Variants in CDH12 observed in about 807,000 individuals in gnomAD.
CDH12 encodes cadherin 12, also known as cadherin-12.
In CDH12, 41 loss-of-function variants were observed where a neutral mutation model predicts 74.1. The ratio of observed to expected loss-of-function variants is 0.55; its 90% confidence interval spans 0.43 to 0.72. The LOEUF (loss-of-function observed/expected upper bound fraction) is 0.72, where lower values mean the gene tolerates loss of function less well. CDH12 is among the 30% of genes least tolerant of loss of function. CDH12 has a pLI of 0.00. For missense variants in CDH12, 945 were observed against 977.2 expected (o/e 0.97, Z 0.44); for synonymous variants, 399 against 355.0 (o/e 1.12, Z -1.39).
At chr5:22,692,189 A>G (rs532124669) in intron 1 of CDH12, among the ~76,000 whole-genome samples, 1 of 152,306 alleles carries the variant, frequency 6.6e-6, no homozygotes, top group African/African-American at 2.4e-5. Flanking sequence ...TCCCTCCATC[A>G]GCTCCCCTTC....
chr5:22,242,549 T>C (rs1311523879), intron 3 of CDH12, among the ~76,000 whole-genome samples: 1 of 152,216 alleles, frequency 6.6e-6, no homozygotes, highest in Non-Finnish European at 1.5e-5. Context: ...TGTACTGGAA[T>C]GTTAGGACCA....
At chr5:21,831,435 A>G (rs578174288) in intron 8 of CDH12, among the ~76,000 whole-genome samples, 1 of 152,292 alleles carries the variant, frequency 6.6e-6, no homozygotes, top group East Asian at 1.9e-4. Flanking sequence ...GTGTCTTTAC[A>G]TAGCACAGGT....
chr5:22,412,750 A>G (rs1743216090), intron 2 of CDH12, among the ~76,000 whole-genome samples: 1 of 151,888 alleles, frequency 6.6e-6, no homozygotes, highest in Non-Finnish European at 1.5e-5. Flanking sequence ...ACAAGCATCC[A>G]TGTTTCAATC....
At chr5:22,471,200 C>T (rs1347589766) in intron 2 of CDH12, among the ~76,000 whole-genome samples, 1 of 152,186 alleles carries the variant, frequency 6.6e-6, no homozygotes, top group Admixed American at 6.5e-5. Context: ...TGAACAATCT[C>T]CCTAAAGGTA....
At chr5:22,650,318 T>C (rs1159005349) in intron 1 of CDH12, among the ~76,000 whole-genome samples, 2 of 152,052 alleles carry the variant, frequency 1.3e-5, no homozygotes, top group African/African-American at 4.8e-5. Flanking sequence ...TTGCTCTTCT[T>C]AGTTTTATTT....
chr5:22,677,259 G>C (rs1257969304), intron 1 of CDH12, among the ~76,000 whole-genome samples: 1 of 152,108 alleles, frequency 6.6e-6, no homozygotes, highest in Non-Finnish European at 1.5e-5. Flanking sequence ...GCTAGTATAA[G>C]AGAATACCTT....
chr5:22,527,638 A>G (rs936120178), intron 1 of CDH12, among the ~76,000 whole-genome samples: 1 of 152,122 alleles, frequency 6.6e-6, no homozygotes, highest in Non-Finnish European at 1.5e-5. Flanking sequence ...CCCTTCACAA[A>G]TTTATTTGTC....
At chr5:22,535,440 G>T (rs559680126) in intron 1 of CDH12, among the ~76,000 whole-genome samples, 1 of 152,158 alleles carries the variant, frequency 6.6e-6, no homozygotes, top group Non-Finnish European at 1.5e-5. Flanking sequence ...ACAGGCGTGA[G>T]CCAACGCACC....
intron 5 of CDH12, among the ~76,000 whole-genome samples, chr5:22,003,228 C>T (rs1293190458): frequency 1.3e-5 from 2 of 152,152 alleles, no homozygotes; most frequent in Admixed American, 1.3e-4. Context: ...ATAATCGTCA[C>T]ATTTTCTCCA....
intron 1 of CDH12, among the ~76,000 whole-genome samples, chr5:22,592,659 T>C (rs2126801319): frequency 6.6e-6 from 1 of 152,060 alleles, no homozygotes. Flanking sequence ...TGCTTCATTT[T>C]TAAACAGCTC....
intron 4 of CDH12, among the ~76,000 whole-genome samples, chr5:22,080,385 T>G (rs1475749774): frequency 2.0e-5 from 3 of 152,152 alleles, no homozygotes; most frequent in Non-Finnish European, 4.4e-5. Flanking sequence ...AGTTATACTC[T>G]GAAAGTATTT....
At chr5:22,584,032 T>A (rs1740242856) in intron 1 of CDH12, among the ~76,000 whole-genome samples, 1 of 151,966 alleles carries the variant, frequency 6.6e-6, no homozygotes, top group African/African-American at 2.4e-5. Context: ...CTAGTTGCTT[T>A]TTTTTGCTTT....
At position 22,343,179 on chromosome 5, in the gene CDH12, C is replaced by T. The variant is rs371931538; in HGVS notation, c.-333+62078G>A. 3.6e-4 allele frequency among the ~76,000 whole-genome samples: 55 copies of T among 151,480 alleles called. No homozygotes were observed. In the East Asian group the frequency reaches 8.2e-3, roughly 23 times the overall value. ...CTCCCCTGGTATTTTCAAAGTAGAA[C>T]GTAGACTAACATGGGAAGTTTCCAT... On this transcript the variant is annotated intron_variant, in intron 3 of 14. Transcript: ENST00000382254.
At chr5:22,726,893 C>T (rs561082651) in intron 1 of CDH12, among the ~76,000 whole-genome samples, 3 of 151,864 alleles carry the variant, frequency 2.0e-5, no homozygotes, top group Non-Finnish European at 3.0e-5. Context: ...CAAAAGAATA[C>T]TTATATATTG....
intron 1 of CDH12, among the ~76,000 whole-genome samples, chr5:22,785,633 C>T (rs1343181192): frequency 1.3e-5 from 2 of 152,082 alleles, no homozygotes; most frequent in Admixed American, 6.6e-5. Context: ...ATCCTCTCAC[C>T]TCAGCCTCCA....
At chr5:21,881,903 A>G (rs1752374075) in intron 6 of CDH12, among the ~76,000 whole-genome samples, 1 of 152,138 alleles carries the variant, frequency 6.6e-6, no homozygotes, top group African/African-American at 2.4e-5. Flanking sequence ...ATTGTAATTC[A>G]CATGTTGATA....
At chr5:21,829,288 G>T (rs1339438467) in intron 8 of CDH12, among the ~76,000 whole-genome samples, 4 of 152,080 alleles carry the variant, frequency 2.6e-5, no homozygotes, top group Non-Finnish European at 5.9e-5. Flanking sequence ...GTGAGAGAGA[G>T]AGATTCCATT....
intron 1 of CDH12, among the ~76,000 whole-genome samples, chr5:22,701,878 G>A (rs1742731275): frequency 6.6e-6 from 1 of 152,106 alleles, no homozygotes; most frequent in Admixed American, 6.6e-5. Flanking sequence ...AGCTTGATGG[G>A]CAATGCTGTT....
At chr5:22,233,260 T>C (rs989814386) in intron 3 of CDH12, among the ~76,000 whole-genome samples, 7 of 151,424 alleles carry the variant, frequency 4.6e-5, no homozygotes, top group African/African-American at 7.3e-5. Context: ...CAATATTGAG[T>C]TTTTCCAAAA....
Sources: allele counts gnomAD v4.1 joint callset (sites outside exome capture counted in the v4.1 genomes callset), GRCh38; gene constraint gnomAD v4.1.1; transcripts MANE v1.5; gene names NCBI Gene and HGNC (gene_info 2026-07-23, HGNC 2026-07-21).